UGT2A1: variants seen among roughly 807,000 people sequenced by gnomAD.
The protein encoded by UGT2A1 is UDP-glucuronosyltransferase 2A1.
A neutral mutation model predicts 45.4 loss-of-function variants in UGT2A1; 61 were observed. That is an observed-to-expected ratio of 1.34 (90% CI 1.09 to 1.66). The LOEUF is 1.66. Ranked by LOEUF, UGT2A1 falls within the 40% of genes most tolerant of loss-of-function variation. UGT2A1 has a pLI of 0.00. For synonymous variants in UGT2A1, 229 were observed against 196.2 expected, an observed-to-expected ratio of 1.17 and a Z score of -1.40; for missense variants, 649 against 574.3, an observed-to-expected ratio of 1.13 and a Z score of -1.33.
rs985583290 is a variant in UGT2A1 at position 69,599,296 on chromosome 4, A to G, written c.946T>C (p.Phe316Leu). The G allele has an allele frequency of 9.3e-6, 15 of 1,613,746 alleles. No individual in the cohort carries two copies. In the Admixed American group the frequency reaches 1.0e-4, roughly 11 times the overall value. ...CAGTGCAATCCTCCAACAAACTCAA[A>G]ATTAGGTAAGTATGGACGAGGAAAT... is the stretch of plus-strand genomic sequence containing the variant. The part of the protein sequence containing the change: ...FEFPRPYLPN[F>L]EFVGGLHCKP... The change falls in exon 4 of 7, where the codon TTT (phenylalanine) becomes CTT (leucine). Residue 316 changes from phenylalanine to leucine, a missense_variant. Physicochemically the swap from Phe to Leu is conservative, Grantham distance 22. Transcript: ENST00000286604.
intron 4 of UGT2A1, among the ~76,000 whole-genome samples, chr4:69,597,462 A>G (rs1400818634): frequency 6.6e-6 from 1 of 152,178 alleles, no homozygotes; most frequent in Non-Finnish European, 1.5e-5. Flanking sequence ...GGCCTTTCAC[A>G]TCATATCTAT....
intron 1 of UGT2A1, among the ~76,000 whole-genome samples, chr4:69,651,333 C>T (rs1281289729): frequency 6.6e-6 from 1 of 152,086 alleles, no homozygotes; most frequent in East Asian, 1.9e-4. Context: ...GAAAGAAACA[C>T]ATTGTATGCC....
At chr4:69,644,088 T>A (rs1362321842) in intron 2 of UGT2A1, among the ~76,000 whole-genome samples, 1 of 151,678 alleles carries the variant, frequency 6.6e-6, no homozygotes, top group Admixed American at 6.6e-5. Flanking sequence ...GGTAATTTGA[T>A]CAGAAACATG....
At chr4:69,639,074 C>T in intron 2 of UGT2A1, 1 of 1,613,416 alleles carries the variant, frequency 6.2e-7, no homozygotes. Flanking sequence ...CACAGTGTCT[C>T]TCCACTGTTG....
chr4:69,650,798 C>T (rs1431812516), intron 1 of UGT2A1, among the ~76,000 whole-genome samples: 2 of 152,034 alleles, frequency 1.3e-5, no homozygotes, highest in African/African-American at 4.8e-5. Flanking sequence ...GATGAAATGA[C>T]ATAGGTAAAG....
chr4:69,593,685 T>C (rs1718716933), intron 6 of UGT2A1, among the ~76,000 whole-genome samples: 1 of 151,678 alleles, frequency 6.6e-6, no homozygotes, highest in Admixed American at 6.6e-5. Context: ...ATAGTACAAA[T>C]CAATATTTAA....
At chr4:69,620,139 C>A in intron 3 of UGT2A1, among the ~76,000 whole-genome samples, 1 of 151,918 alleles carries the variant, frequency 6.6e-6, no homozygotes, top group Non-Finnish European at 1.5e-5. Context: ...CCAGAGCAAT[C>A]AGGCAAGAGA....
At chr4:69,595,135 A>G (rs780176072) in intron 5 of UGT2A1, 27 bp downstream of exon 5, 9 of 1,612,980 alleles carry the variant, frequency 5.6e-6, no homozygotes, top group Middle Eastern at 3.3e-4. Context: ...GTCCCACTGT[A>G]CAGCTTTTCT....
chr4:69,590,971 C>T (rs752203163), intron 6 of UGT2A1, among the ~76,000 whole-genome samples: 1 of 152,052 alleles, frequency 6.6e-6, no homozygotes, highest in Non-Finnish European at 1.5e-5. Context: ...GGAGTACAAA[C>T]ACATCCATAT....
At chr4:69,634,050 C>T (rs576750553) in intron 3 of UGT2A1, among the ~76,000 whole-genome samples, 71 of 152,012 alleles carry the variant, frequency 4.7e-4, no homozygotes, top group Admixed American at 1.6e-3. Context: ...TCGAGACCAT[C>T]CTGGCTAACA....
chr4:69,593,967 C>CTTTTTTTTTTTTTTT lies in UGT2A1; in HGVS notation c.1304+509_1304+510insAAAAAAAAAAAAAAA, dbSNP rs200066453. Among the ~76,000 whole-genome samples the CTTTTTTTTTTTTTTT allele has an allele frequency of 5.6e-5, 6 of 107,816 alleles. 1 individual carries two copies. Among genetic ancestry groups the CTTTTTTTTTTTTTTT allele is most frequent in the East Asian group, 3.3e-4 (1 of 3,062 alleles). The allele number at this position is 107,816 out of a possible 152,430, so 70.7% of individuals were successfully genotyped here. A position where few individuals can be genotyped will look rare whatever the true frequency, so the allele number is the denominator to read the frequency against. The stretch of plus-strand genomic sequence containing the variant: ...AAAATATTGAAATAATATTTGAAGT[C>CTTTTTTTTTTTTTTT]TTTTTTTTTGTTTGTTTTTTTTTTT... On this transcript the variant is annotated intron_variant, in intron 6 of 6. Transcript: ENST00000286604.
At chr4:69,593,052 G>A (rs1338764943) in intron 6 of UGT2A1, among the ~76,000 whole-genome samples, 1 of 152,084 alleles carries the variant, frequency 6.6e-6, no homozygotes, top group African/African-American at 2.4e-5. Context: ...AAGGCCATAA[G>A]TAATATTTCC....
chr4:69,640,418 C>T (rs750552678), intron 2 of UGT2A1, among the ~76,000 whole-genome samples: 1 of 151,802 alleles, frequency 6.6e-6, no homozygotes, highest in African/African-American at 2.4e-5. Context: ...ATAAATTTGT[C>T]CAAAGATTGA....
At chr4:69,619,799 T>C (rs1485080719) in intron 3 of UGT2A1, among the ~76,000 whole-genome samples, 3 of 151,990 alleles carry the variant, frequency 2.0e-5, no homozygotes, top group Non-Finnish European at 4.4e-5. Flanking sequence ...TAAAAGCTAA[T>C]CCATGACAAT....
At chr4:69,596,394 T>C in intron 4 of UGT2A1, 2 of 1,553,534 alleles carry the variant, frequency 1.3e-6, no homozygotes, top group Non-Finnish European at 1.7e-6. Context: ...GCATACATAA[T>C]ATATTTTCTA....
At chr4:69,628,036 G>C (rs1721186948) in intron 3 of UGT2A1, among the ~76,000 whole-genome samples, 1 of 151,776 alleles carries the variant, frequency 6.6e-6, no homozygotes, top group South Asian at 2.1e-4. Context: ...AATCTCACTT[G>C]TCTGTTTTTG....
intron 6 of UGT2A1, among the ~76,000 whole-genome samples, chr4:69,594,202 C>T (rs1196913663): frequency 6.6e-6 from 1 of 151,914 alleles, no homozygotes; most frequent in Non-Finnish European, 1.5e-5. Flanking sequence ...TCTCGATCTC[C>T]GGACCTTGTG....
chr4:69,652,122 A>G (rs528802973), intron 1 of UGT2A1, among the ~76,000 whole-genome samples: 3 of 152,256 alleles, frequency 2.0e-5, no homozygotes, highest in African/African-American at 7.2e-5. Flanking sequence ...TGAGGAGGCA[A>G]GAATTGAAGT....
chr4:69,647,530 T>A lies in UGT2A1; in HGVS notation c.115A>T (p.Ile39Phe). ...EGSHWLNVKI[I>F]IDELIKKEHN... ...TCCTTTTTAATGAGCTCATCTATAA[T>A]TATCTTAACATTTAGCCAATGACTA... Residue 39 changes from isoleucine to phenylalanine, a missense_variant, in exon 2 of 7, where the codon ATT becomes TTT. By Grantham distance (21) the Ile-to-Phe change is conservative. Coordinates refer to ENST00000286604, the MANE Select transcript of UGT2A1 (RefSeq NM_001252275.3). The A allele has an allele frequency of 6.2e-7, 1 of 1,612,842 alleles. No individual in the cohort carries two copies. The highest frequency in any genetic ancestry group is 8.5e-7 in the Non-Finnish European group (1 of 1,179,256).
Sources: gnomAD v4.1 joint callset for allele counts (sites outside exome capture counted in the v4.1 genomes callset) on GRCh38, gnomAD v4.1.1 for gene constraint, MANE v1.5 for transcripts, NCBI Gene and HGNC (gene_info 2026-07-23, HGNC 2026-07-21) for gene names.